The following DOCK3 variants were observed in gnomAD, a reference collection of about 807,000 sequenced individuals.
DOCK3 encodes dedicator of cytokinesis 3.
A neutral mutation model predicts 265.6 loss-of-function variants in DOCK3; 60 were observed. That is an observed-to-expected ratio of 0.23 (90% CI 0.18 to 0.28). The LOEUF is 0.28. Ranked by LOEUF, DOCK3 falls within the 10% of genes least tolerant of loss-of-function variation. The probability of loss-of-function intolerance (pLI) is 1.00; values close to 1 mark genes in which losing one functional copy is unlikely to be tolerated. For missense variants in DOCK3, 1,981 were observed against 2,594.3 expected, an observed-to-expected ratio of 0.76 and a Z score of 5.14; for synonymous variants, 881 against 938.0, an observed-to-expected ratio of 0.94 and a Z score of 1.11.
chr3:51,339,350 A>C (rs2085083422), intron 37 of DOCK3, among the ~76,000 whole-genome samples: 1 of 152,174 alleles, frequency 6.6e-6, no homozygotes, highest in Admixed American at 6.5e-5. Flanking sequence ...GAGCATCCTG[A>C]GCTCACTGTC....
At chr3:50,962,806 T>C (rs1412129657) in intron 5 of DOCK3, among the ~76,000 whole-genome samples, 2 of 152,242 alleles carry the variant, frequency 1.3e-5, no homozygotes, top group Non-Finnish European at 2.9e-5. Context: ...TGCAACCATA[T>C]GCAGCGTATG....
intron 1 of DOCK3, among the ~76,000 whole-genome samples, chr3:50,767,181 G>A (rs2040943879): frequency 6.6e-6 from 1 of 152,166 alleles, no homozygotes; most frequent in South Asian, 2.1e-4. Flanking sequence ...TTTTAGACTT[G>A]AAGTGCTTGC....
intron 6 of DOCK3, among the ~76,000 whole-genome samples, chr3:51,073,725 A>G (rs1045767908): frequency 2.6e-5 from 4 of 152,176 alleles, no homozygotes; most frequent in Admixed American, 2.6e-4. Context: ...AGAAAAAAAC[A>G]CTAATTGAAA....
chr3:51,260,312 C>G lies in DOCK3; in HGVS notation c.2341C>G (p.Leu781Val). ...TCTGGACAGCCGAAACTCAGAAACA[C>G]TCCTTTTTACTCAGGTTCGCACACT... ...LSLDSRNSET[L>V]LFTQAALLNS... is the part of the protein sequence containing the mutation. The change falls in exon 23 of 53, where the codon CTC (leucine) becomes GTC (valine). Residue 781 changes from leucine to valine, a missense_variant. Physicochemically the swap from Leu to Val is conservative, Grantham distance 32. This residue lies in a region of DOCK3 where 1,357 missense variants were observed against 1,866.8 expected (regional missense o/e 0.73). Coordinates refer to ENST00000266037, the MANE Select transcript of DOCK3 (RefSeq NM_004947.5). 1 of 1,613,738 alleles carries G rather than the reference C, an allele frequency of 6.2e-7. No homozygotes were observed. Among genetic ancestry groups the G allele is most frequent in the Non-Finnish European group, 8.5e-7 (1 of 1,179,788 alleles).
chr3:50,730,744 T>C (rs1576265871), intron 1 of DOCK3, among the ~76,000 whole-genome samples: 1 of 151,984 alleles, frequency 6.6e-6, no homozygotes, highest in Non-Finnish European at 1.5e-5. Flanking sequence ...GGTGGGAGAA[T>C]TGCTTGAGCC....
intron 14 of DOCK3, among the ~76,000 whole-genome samples, chr3:51,215,773 C>G (rs2089751138): frequency 6.6e-6 from 1 of 152,172 alleles, no homozygotes. Flanking sequence ...CTCATACACA[C>G]AGGAGAGTCT....
intron 12 of DOCK3, among the ~76,000 whole-genome samples, chr3:51,205,842 T>C (rs1466520844): frequency 6.6e-6 from 1 of 152,236 alleles, no homozygotes; most frequent in Non-Finnish European, 1.5e-5. Flanking sequence ...AACTTGGCAG[T>C]TCTGCAAAGC....
chr3:50,960,552 G>A (rs1575615513), intron 5 of DOCK3, among the ~76,000 whole-genome samples: 1 of 151,792 alleles, frequency 6.6e-6, no homozygotes, highest in African/African-American at 2.4e-5. Flanking sequence ...TAGGTTGTTT[G>A]TCTTAGTTAT....
At chr3:51,259,828 C>T (rs1413056999) in intron 22 of DOCK3, among the ~76,000 whole-genome samples, 1 of 152,112 alleles carries the variant, frequency 6.6e-6, no homozygotes, top group Non-Finnish European at 1.5e-5. Flanking sequence ...AAAAAAAATA[C>T]AGAGAAACTT....
At chr3:51,343,142 C>T (rs998240240) in intron 38 of DOCK3, among the ~76,000 whole-genome samples, 4 of 152,126 alleles carry the variant, frequency 2.6e-5, no homozygotes, top group African/African-American at 7.2e-5. Flanking sequence ...AAAATGCTCC[C>T]GTGGGGCAGG....
intron 1 of DOCK3, among the ~76,000 whole-genome samples, chr3:50,746,326 C>T (rs201237143): frequency 1.1e-4 from 16 of 152,084 alleles, no homozygotes; most frequent in East Asian, 3.9e-4. Flanking sequence ...AGGCTGGTCT[C>T]GAACTCCTGA....
intron 2 of DOCK3, among the ~76,000 whole-genome samples, chr3:50,822,185 G>A (rs924898788): frequency 2.2e-4 from 33 of 152,024 alleles, no homozygotes; most frequent in African/African-American, 5.3e-4. Context: ...TCTTTCAGCC[G>A]TATTTTGTAG....
At chr3:50,795,655 C>T (rs961608605) in intron 2 of DOCK3, among the ~76,000 whole-genome samples, 1 of 149,998 alleles carries the variant, frequency 6.7e-6, no homozygotes, top group Non-Finnish European at 1.5e-5. Context: ...GGTCTGTTTA[C>T]ATAAGCCCAT....
At chr3:50,977,380 T>C (rs541288359) in intron 5 of DOCK3, among the ~76,000 whole-genome samples, 50 of 152,282 alleles carry the variant, frequency 3.3e-4, no homozygotes, top group Admixed American at 8.5e-4. Context: ...CTGTAAAGTA[T>C]TGTATTTCTC....
chr3:51,080,765 A>G (rs1207501248), intron 7 of DOCK3, among the ~76,000 whole-genome samples: 1 of 152,224 alleles, frequency 6.6e-6, no homozygotes, highest in African/African-American at 2.4e-5. Flanking sequence ...GGTTAACAGT[A>G]AATCTACTTG....
intron 1 of DOCK3, among the ~76,000 whole-genome samples, chr3:50,734,600 G>T (rs2038445689): frequency 2.0e-5 from 1 of 48,828 alleles, no homozygotes. Flanking sequence ...CTTTTACAGT[G>T]AGTTTTTTTT....
At chr3:51,143,032 A>G (rs1045131792) in intron 9 of DOCK3, among the ~76,000 whole-genome samples, 2 of 151,938 alleles carry the variant, frequency 1.3e-5, no homozygotes, top group African/African-American at 2.4e-5. Flanking sequence ...GATTACAGGC[A>G]CAGGCCACCA....
At chr3:51,269,162 TATA>T (rs956907881) in intron 23 of DOCK3, among the ~76,000 whole-genome samples, 2 of 147,876 alleles carry the variant, frequency 1.4e-5, no homozygotes, top group East Asian at 2.0e-4. Flanking sequence ...TATTTATACG[TATA>T]ATAATATACA....
At chr3:50,739,666 CA>C (rs1211297240) in intron 1 of DOCK3, among the ~76,000 whole-genome samples, 1 of 152,104 alleles carries the variant, frequency 6.6e-6, no homozygotes, top group East Asian at 1.9e-4. Flanking sequence ...CATTTATATG[CA>C]TCTCCTTTTT....
Sources: allele counts gnomAD v4.1 joint callset (sites outside exome capture counted in the v4.1 genomes callset), GRCh38; gene constraint gnomAD v4.1.1; regional missense constraint gnomAD v4.1.1; transcripts MANE v1.5; gene names NCBI Gene and HGNC (gene_info 2026-07-23, HGNC 2026-07-21).